Variants in ZNF865 observed in about 807,000 individuals in gnomAD.
ZNF865 encodes the protein zinc finger protein 865.
For missense variants in ZNF865, 1,311 were observed against 1,593.4 expected, an observed-to-expected ratio of 0.82 and a Z score of 3.02; for synonymous variants, 763 against 750.8, an observed-to-expected ratio of 1.02 and a Z score of -0.27.
chr19:55,616,138 C>T lies in ZNF865; in HGVS notation c.2520C>T (p.Arg840=). Residue 840 remains arginine, a synonymous_variant, in exon 2 of 2, where the codon CGC becomes CGT. Coordinates refer to ENST00000568956, the MANE Select transcript of ZNF865 (RefSeq NM_001195605.2). The part of the protein sequence containing the change: ...AGAYDLLLHR[R]SHRQKRGFRC... ...CCTACGACTTGCTCCTACACCGCCG[C>T]AGCCATCGGCAGAAGCGGGGTTTCC... is the stretch of plus-strand genomic sequence containing the variant. 3 of 1,499,684 alleles carry T rather than the reference C, an allele frequency of 2.0e-6. No individual in the cohort carries two copies. The highest frequency in any genetic ancestry group is 2.7e-6 in the Non-Finnish European group (3 of 1,127,124). 92.9% of individuals were successfully genotyped at this position (1,499,684 alleles called of 1,614,324 possible).
rs1396510770 is a variant in ZNF865, at chr19:55,616,934, G to A, written c.*136G>A. ...CACACGGACTGGCGACCTTCAGGGC[G>A]CACGCCCGACAGGCTCAAGACTGAA... is the stretch of plus-strand genomic sequence containing the variant. On this transcript the variant is annotated 3_prime_UTR_variant, in exon 2 of 2. Transcript: ENST00000568956. The A allele has an allele frequency of 7.4e-6, 7 of 945,554 alleles. No individual in the cohort carries two copies. Among genetic ancestry groups the A allele is most frequent in the Non-Finnish European group, 1.0e-5 (7 of 681,282 alleles). 58.6% of individuals were successfully genotyped at this position (945,554 alleles called of 1,614,324 possible).
chr19:55,615,600 C>T lies in ZNF865; in HGVS notation c.1982C>T (p.Ala661Val). ...GGGCCCGGGGCCTCGGGCACGTCTG[C>T]AGGGCCCACCGATGGGCTGAGCTAC... ...ACGPGASGTS[A>V]GPTDGLSYAC... The change falls in exon 2 of 2, where the codon GCA (alanine) becomes GTA (valine). Residue 661 changes from alanine to valine, a missense_variant. Physicochemically the swap from Ala to Val is moderately conservative, Grantham distance 64. Transcript: ENST00000568956. 6.5e-7 allele frequency: 1 copy of T among 1,533,050 alleles called. No homozygotes were observed. The highest frequency in any genetic ancestry group is 1.2e-5 in the South Asian group (1 of 83,674). The allele number at this position is 1,533,050 out of a possible 1,614,324, so 95.0% of individuals were successfully genotyped here.
intron 1 of ZNF865, among the ~76,000 whole-genome samples, chr19:55,609,223 A>G (rs911977763): frequency 6.6e-6 from 1 of 151,980 alleles, no homozygotes; most frequent in Admixed American, 6.6e-5. Context: ...TTCACTATAT[A>G]TTGGCCAGGC....
In ZNF865 at chr19:55,615,464, G is replaced by A; in HGVS notation, c.1846G>A (p.Gly616Ser). Residue 616 changes from glycine to serine, a missense_variant, in exon 2 of 2, where the codon GGC becomes AGC. By Grantham distance (56) the Gly-to-Ser change is moderately conservative. Coordinates refer to ENST00000568956, the MANE Select transcript of ZNF865 (RefSeq NM_001195605.2). Reference sequence around the variant, plus strand: ...GTGCGAGCTCTGCGGCAAGGTCTTCGGCTACCCGCAGAGCCTCACCCGCCA... The same window carrying A: ...GTGCGAGCTCTGCGGCAAGGTCTTCAGCTACCCGCAGAGCCTCACCCGCCA... ...YKCELCGKVF[G>S]YPQSLTRHRQ... The A allele has an allele frequency of 6.6e-7, 1 of 1,509,118 alleles. No individual in the cohort carries two copies. Among genetic ancestry groups the A allele is most frequent in the Non-Finnish European group, 8.8e-7 (1 of 1,133,096 alleles). 93.5% of individuals were successfully genotyped at this position (1,509,118 alleles called of 1,614,324 possible).
intron 1 of ZNF865, chr19:55,612,608 T>A (rs1338164758): frequency 6.6e-6 from 1 of 152,404 alleles, no homozygotes; most frequent in African/African-American, 2.4e-5. Flanking sequence ...CTCAAGCAGC[T>A]CTCCTGCCTC....
chr19:55,608,348 C>T (rs1981014613), intron 1 of ZNF865, among the ~76,000 whole-genome samples: 1 of 139,140 alleles, frequency 7.2e-6, no homozygotes, highest in Non-Finnish European at 1.5e-5. Context: ...GAGTTTCGCT[C>T]TTGTTGCCCA....
In ZNF865 at chr19:55,613,963, C is replaced by G; in HGVS notation, c.345C>G (p.Ser115=). Residue 115 remains serine (S), a synonymous_variant, in exon 2 of 2, where the codon TCC becomes TCG. Transcript: ENST00000568956. Reference sequence around the variant, plus strand: ...CCTCGTCGTCATCTTCGTCCTCTTCCTCTTCCCAAGCCAAGAAGCCCGATC... The same window carrying G: ...CCTCGTCGTCATCTTCGTCCTCTTCGTCTTCCCAAGCCAAGAAGCCCGATC... ...SSSSSSSSSS[S]SSQAKKPDPP... is the part of the protein sequence containing the mutation. 2 of 1,531,504 alleles carry G rather than the reference C, an allele frequency of 1.3e-6. No individual in the cohort carries two copies. Among genetic ancestry groups the G allele is most frequent in the Non-Finnish European group, 1.7e-6 (2 of 1,144,642 alleles). The allele number at this position is 1,531,504 out of a possible 1,614,324, so 94.9% of individuals were successfully genotyped here. A position where few individuals can be genotyped will look rare whatever the true frequency, so the allele number is the denominator to read the frequency against.
In ZNF865 at chr19:55,611,753, C is replaced by T. The variant is rs185568716; in HGVS notation, c.-26-1840C>T. Among the ~76,000 whole-genome samples the T allele has an allele frequency of 4.6e-5, 7 of 152,244 alleles. No homozygotes were observed. In the East Asian group the frequency reaches 1.2e-3, roughly 25 times the overall value. ...GCTGGGCTTAGAGCCTGGCCCCCAT[C>T]GGGTAGGGATGATGGACAGGAAGCG... On this transcript the variant is annotated intron_variant, in intron 1 of 1. Coordinates refer to ENST00000568956, the MANE Select transcript of ZNF865 (RefSeq NM_001195605.2). This position sits in a 1 kb window ranked among gnomAD's most constrained non-coding sequence, Gnocchi z 4.5.
At position 55,614,746 on chromosome 19, in the gene ZNF865, G is replaced by A. The variant is rs984208512; in HGVS notation, c.1128G>A (p.Lys376=). ...ACCAGATCATCCACACGGGCGAGAA[G>A]CCCTTCTCCTGCTCCGTGTGCAGCA... The part of the protein sequence containing the change: ...HQHQIIHTGE[K]PFSCSVCSKS... Residue 376 remains lysine (K), a synonymous_variant, in exon 2 of 2, where the codon AAG becomes AAA. Transcript: ENST00000568956. This position sits in a 1 kb window ranked among gnomAD's most constrained non-coding sequence, Gnocchi z 8.0. 7 of 1,585,980 alleles carry A rather than the reference G, an allele frequency of 4.4e-6. No homozygotes were observed. In the African/African-American group the frequency reaches 9.4e-5, roughly 21 times the overall value.
chr19:55,614,589 C>T lies in ZNF865; in HGVS notation c.971C>T (p.Ala324Val), dbSNP rs1402650803. Residue 324 changes from alanine (A) to valine (V), a missense_variant, in exon 2 of 2, where the codon GCC becomes GTC. Physicochemically the swap from Ala to Val is moderately conservative, Grantham distance 64 (BLOSUM62 0). Transcript: ENST00000568956. This position sits in a 1 kb window ranked among gnomAD's most constrained non-coding sequence, Gnocchi z 8.0. ...SGPPATPVAP[A>V]PSADGSAAPA... is the part of the protein sequence containing the mutation. ...CCTCCAGCCACGCCCGTGGCGCCTG[C>T]CCCCTCCGCAGACGGGAGCGCCGCC... 3 of 1,516,464 alleles carry T rather than the reference C, an allele frequency of 2.0e-6. No individual in the cohort carries two copies. The highest frequency in any genetic ancestry group is 5.1e-5 in the East Asian group (2 of 39,422). 93.9% of individuals were successfully genotyped at this position (1,516,464 alleles called of 1,614,324 possible).
chr19:55,613,957 C>A lies in ZNF865; in HGVS notation c.339C>A (p.Ser113=), dbSNP rs1274719954. ...SSSSSSSSSS[S]SSSSQAKKPD... The stretch of plus-strand genomic sequence containing the variant: ...CGTCCTCCTCGTCGTCATCTTCGTC[C>A]TCTTCCTCTTCCCAAGCCAAGAAGC... Residue 113 remains serine, a synonymous_variant, in exon 2 of 2, where the codon TCC becomes TCA. Coordinates refer to ENST00000568956, the MANE Select transcript of ZNF865 (RefSeq NM_001195605.2). 6.5e-7 allele frequency: 1 copy of A among 1,531,710 alleles called. No homozygotes were observed. The highest frequency in any genetic ancestry group is 2.0e-5 in the Admixed American group (1 of 50,398). 94.9% of individuals were successfully genotyped at this position (1,531,710 alleles called of 1,614,324 possible).
In ZNF865 at chr19:55,614,920, C is replaced by T; in HGVS notation, c.1302C>T (p.Ala434=). The T allele has an allele frequency of 4.0e-6, 6 of 1,484,438 alleles. No homozygotes were observed. The highest frequency in any genetic ancestry group is 1.7e-4 in the Middle Eastern group (1 of 5,752). 92.0% of individuals were successfully genotyped at this position (1,484,438 alleles called of 1,614,324 possible). Residue 434 remains alanine, a synonymous_variant, in exon 2 of 2, where the codon GCC becomes GCT. Coordinates refer to ENST00000568956, the MANE Select transcript of ZNF865 (RefSeq NM_001195605.2). The surrounding 1 kb of genome is among the most constrained non-coding windows in gnomAD (Gnocchi z 8.0). ...KHQAAHAGAG[A]GGPRPVYPCD... ...AGGCGGCCCACGCGGGGGCGGGCGC[C>T]GGGGGGCCTCGGCCCGTGTACCCCT... is the stretch of plus-strand genomic sequence containing the variant.
At position 55,614,345 on chromosome 19, in the gene ZNF865, A is replaced by G. The variant is rs1981258779; in HGVS notation, c.727A>G (p.Met243Val). The G allele has an allele frequency of 6.7e-7, 1 of 1,491,862 alleles. No individual in the cohort carries two copies. Among genetic ancestry groups the G allele is most frequent in the Non-Finnish European group, 8.9e-7 (1 of 1,125,394 alleles). 92.4% of individuals were successfully genotyped at this position (1,491,862 alleles called of 1,614,324 possible). Residue 243 changes from methionine (M) to valine (V), a missense_variant, in exon 2 of 2, where the codon ATG (methionine) becomes GTG (valine). By Grantham distance (21) the Met-to-Val change is conservative (BLOSUM62 1). Transcript: ENST00000568956. This position sits in a 1 kb window ranked among gnomAD's most constrained non-coding sequence, Gnocchi z 8.0. ...FKQSSHLVQH[M>V]LVHSGERPYE... ...GCAGTCCTCGCACCTGGTCCAGCAC[A>G]TGCTGGTGCACTCGGGGGAGAGGCC... is the stretch of plus-strand genomic sequence containing the variant.
chr19:55,606,609 G>T (rs753288271), intron 1 of ZNF865, among the ~76,000 whole-genome samples: 1 of 152,212 alleles, frequency 6.6e-6, no homozygotes, highest in Non-Finnish European at 1.5e-5. Context: ...AACAACTGTT[G>T]CCCTGACCTG....
chr19:55,615,975 G>A lies in ZNF865; in HGVS notation c.2357G>A (p.Ser786Asn). 6.6e-7 allele frequency: 1 copy of A among 1,514,684 alleles called. No homozygotes were observed. 93.8% of individuals were successfully genotyped at this position (1,514,684 alleles called of 1,614,324 possible). The change falls in exon 2 of 2, where the codon AGT becomes AAT. Residue 786 changes from serine (S) to asparagine (N), a missense_variant. Ser to Asn is a conservative substitution (Grantham distance 46, BLOSUM62 1). Transcript: ENST00000568956. ...AAVAGAGGGASSGPERFSCAT... is the reference protein window; with the variant it reads ...AAVAGAGGGANSGPERFSCAT... ...GTGGCAGGTGCTGGCGGGGGTGCCA[G>A]TTCCGGCCCCGAGCGCTTCAGCTGT... is the stretch of plus-strand genomic sequence containing the variant.
In ZNF865 at chr19:55,616,709, G is replaced by A. The variant is rs928562803; in HGVS notation, c.3091G>A (p.Gly1031Ser). The change falls in exon 2 of 2, where the codon GGC becomes AGC. Residue 1031 changes from glycine (G) to serine (S), a missense_variant. Coordinates refer to ENST00000568956, the MANE Select transcript of ZNF865 (RefSeq NM_001195605.2). ...CGGCGAGGGCTTCGCCAACACCTAC[G>A]GCCTCAAGAAACACCGCCTGGCGCA... is the stretch of plus-strand genomic sequence containing the variant. ...SCGEGFANTYGLKKHRLAHKA... is the reference protein window; with the variant it reads ...SCGEGFANTYSLKKHRLAHKA... The A allele has an allele frequency of 6.6e-7, 1 of 1,525,924 alleles. No homozygotes were observed. Among genetic ancestry groups the A allele is most frequent in the Non-Finnish European group, 8.8e-7 (1 of 1,142,088 alleles). The allele number at this position is 1,525,924 out of a possible 1,614,324, so 94.5% of individuals were successfully genotyped here. A position where few individuals can be genotyped will look rare whatever the true frequency, so the allele number is the denominator to read the frequency against.
chr19:55,615,730 G>A lies in ZNF865; in HGVS notation c.2112G>A (p.Lys704=), dbSNP rs1981331623. 1 of 1,533,962 alleles carries A rather than the reference G, an allele frequency of 6.5e-7. No homozygotes were observed. The highest frequency in any genetic ancestry group is 2.0e-5 in the Admixed American group (1 of 50,880). Residue 704 remains lysine, a synonymous_variant, in exon 2 of 2, where the codon AAG becomes AAA. Coordinates refer to ENST00000568956, the MANE Select transcript of ZNF865 (RefSeq NM_001195605.2). The part of the protein sequence containing the change: ...EKPYGCDACG[K]TFGFIENLMW... ...CATACGGCTGCGACGCCTGCGGCAA[G>A]ACCTTCGGCTTCATCGAGAACCTCA...
At position 55,615,697 on chromosome 19, in the gene ZNF865, A is replaced by G; in HGVS notation, c.2079A>G (p.Ala693=). 6.5e-7 allele frequency: 1 copy of G among 1,534,304 alleles called. No homozygotes were observed. The highest frequency in any genetic ancestry group is 8.7e-7 in the Non-Finnish European group (1 of 1,146,154). Residue 693 remains alanine (A), a synonymous_variant, in exon 2 of 2, where the codon GCA becomes GCG. Coordinates refer to ENST00000568956, the MANE Select transcript of ZNF865 (RefSeq NM_001195605.2). ...TGAGTCACAAGGAGGTCCACATGGCAGAGAAGCCATACGGCTGCGACGCCT... is the reference window on the plus strand; with the variant it reads ...TGAGTCACAAGGAGGTCCACATGGCGGAGAAGCCATACGGCTGCGACGCCT... ...HVMSHKEVHM[A]EKPYGCDACG... is the part of the protein sequence containing the mutation.
rs1981385777 is a variant in ZNF865, at chr19:55,616,991, C to G, written c.*193C>G. On this transcript the variant is annotated 3_prime_UTR_variant, in exon 2 of 2. Coordinates refer to ENST00000568956, the MANE Select transcript of ZNF865 (RefSeq NM_001195605.2). ...CCATCCTCGACCTCTCTGCCCTCCCCTCATCCCATCAGACACTGAACCCTA... is the reference window on the plus strand; with the variant it reads ...CCATCCTCGACCTCTCTGCCCTCCCGTCATCCCATCAGACACTGAACCCTA... The G allele has an allele frequency of 1.9e-6, 1 of 521,668 alleles. No homozygotes were observed. Among genetic ancestry groups the G allele is most frequent in the Non-Finnish European group, 3.2e-6 (1 of 313,474 alleles). The allele number at this position is 521,668 out of a possible 1,614,324, so 32.3% of individuals were successfully genotyped here.
Sources: gnomAD v4.1 joint callset for allele counts (sites outside exome capture counted in the v4.1 genomes callset) on GRCh38, gnomAD v4.1.1 for gene constraint, Gnocchi (gnomAD v3.1) non-coding constraint, MANE v1.5 for transcripts, NCBI Gene and HGNC (gene_info 2026-07-23, HGNC 2026-07-21) for gene names.